ERC1: variants seen among roughly 807,000 people sequenced by gnomAD.
ERC1 encodes ELKS/RAB6-interacting/CAST family member 1.
In ERC1, 56 loss-of-function variants were observed where a neutral mutation model predicts 132.0. That is an observed-to-expected ratio of 0.42 (90% CI 0.34 to 0.53). The LOEUF (loss-of-function observed/expected upper bound fraction) is 0.53. ERC1 is among the 20% of genes least tolerant of loss of function. ERC1 has a pLI of 0.03. For synonymous variants in ERC1, 478 were observed against 476.1 expected, an observed-to-expected ratio of 1.00 and a Z score of -0.05; for missense variants, 1,202 against 1,349.9, an observed-to-expected ratio of 0.89 and a Z score of 1.72.
chr12:1,437,185 C>T lies in ERC1; in HGVS notation c.3025-7377C>T, dbSNP rs369886894. ...AGTAAGTGGCTTTCTGAGTGGCTTT[C>T]TTGACTTCTTGATTCTGGTTATCTC... On this transcript the variant is annotated intron_variant, in intron 17 of 18. Transcript: ENST00000360905. Among the ~76,000 whole-genome samples the T allele has an allele frequency of 2.6e-5, 4 of 152,164 alleles. No homozygotes were observed. The East Asian group carries it at 7.7e-4, about 29-fold the overall frequency.
At chr12:1,449,980 A>C (rs1337455824) in intron 18 of ERC1, among the ~76,000 whole-genome samples, 1 of 152,038 alleles carries the variant, frequency 6.6e-6, no homozygotes, top group Non-Finnish European at 1.5e-5. Context: ...ATCATAGTCA[A>C]ATTTTGAAAA....
intron 16 of ERC1, among the ~76,000 whole-genome samples, chr12:1,398,841 A>T (rs2090761174): frequency 1.3e-5 from 2 of 151,638 alleles, no homozygotes; most frequent in African/African-American, 4.9e-5. Context: ...TTGTCCTTGC[A>T]CACATCTATT....
chr12:1,404,552 T>G (rs538376659), intron 16 of ERC1, among the ~76,000 whole-genome samples: 57 of 152,352 alleles, frequency 3.7e-4, no homozygotes, highest in African/African-American at 1.3e-3. Flanking sequence ...CTGTCCTCTT[T>G]AGGAGTTCAG....
intron 7 of ERC1, among the ~76,000 whole-genome samples, chr12:1,134,505 C>T (rs971617396): frequency 1.3e-5 from 2 of 151,910 alleles, no homozygotes; most frequent in Non-Finnish European, 2.9e-5. Context: ...TGCCACCACA[C>T]TTGGCTAATT....
At chr12:1,316,025 A>C (rs2081680440) in intron 15 of ERC1, among the ~76,000 whole-genome samples, 1 of 151,954 alleles carries the variant, frequency 6.6e-6, no homozygotes, top group Admixed American at 6.6e-5. Context: ...AGCAGCTGGG[A>C]CTACAGGTGC....
At chr12:1,439,822 T>C (rs184976197) in intron 17 of ERC1, among the ~76,000 whole-genome samples, 2 of 152,290 alleles carry the variant, frequency 1.3e-5, no homozygotes, top group East Asian at 1.9e-4. Context: ...CTCTTCCCTC[T>C]TGAGATTAGG....
chr12:1,046,367 A>C (rs922476217), intron 2 of ERC1, among the ~76,000 whole-genome samples: 1 of 152,246 alleles, frequency 6.6e-6, no homozygotes, highest in Non-Finnish European at 1.5e-5. Context: ...CAGGAGTTGT[A>C]CATCCTATAA....
intron 17 of ERC1, among the ~76,000 whole-genome samples, chr12:1,415,633 G>A (rs899167934): frequency 2.0e-5 from 3 of 152,202 alleles, no homozygotes; most frequent in Non-Finnish European, 4.4e-5. Flanking sequence ...GAAGGGAGGT[G>A]TTAAATTATC....
intron 12 of ERC1, among the ~76,000 whole-genome samples, chr12:1,232,117 T>C (rs1267075947): frequency 6.6e-6 from 1 of 152,188 alleles, no homozygotes; most frequent in Non-Finnish European, 1.5e-5. Flanking sequence ...CATTCCCTCC[T>C]GATCTGCAAG....
At chr12:1,254,362 A>C (rs1024016080) in intron 13 of ERC1, among the ~76,000 whole-genome samples, 2 of 152,186 alleles carry the variant, frequency 1.3e-5, no homozygotes, top group Non-Finnish European at 2.9e-5. Context: ...TTATTCCCCT[A>C]GGCTGCCAAT....
At chr12:1,000,979 C>A (rs183804223) in intron 1 of ERC1, among the ~76,000 whole-genome samples, 1 of 152,140 alleles carries the variant, frequency 6.6e-6, no homozygotes, top group South Asian at 2.1e-4. Context: ...GATGCGATCT[C>A]GTCTCACGGC....
In ERC1 at chr12:1,495,874, TTTTC is replaced by T. The variant is rs2094352264; in HGVS notation, c.*5648_*5651del. The T allele has an allele frequency of 1.0e-5, 2 of 191,710 alleles. No individual in the cohort carries two copies. Among genetic ancestry groups the T allele is most frequent in the South Asian group, 1.9e-4 (1 of 5,202 alleles). The allele number at this position is 191,710 out of a possible 1,614,324, so 11.9% of individuals were successfully genotyped here. ...AATTATTGTAAACACTTTGTTCATT[TTTTC>T]TTTTTTATTCACAAACTAAATCCAC... is the stretch of plus-strand genomic sequence containing the variant. On this transcript the variant is annotated 3_prime_UTR_variant, in exon 19 of 19. Transcript: ENST00000360905.
chr12:1,432,293 A>G (rs997194959), intron 17 of ERC1, among the ~76,000 whole-genome samples: 3 of 152,184 alleles, frequency 2.0e-5, no homozygotes, highest in African/African-American at 7.2e-5. Context: ...CTGAAATCTC[A>G]TGTTCATATA....
intron 16 of ERC1, among the ~76,000 whole-genome samples, chr12:1,376,880 C>T (rs148030101): frequency 6.8e-4 from 103 of 152,294 alleles, no homozygotes; most frequent in Non-Finnish European, 1.2e-3. Context: ...GATTTGTTTC[C>T]CTTTTCACTG....
chr12:1,254,831 T>C, intron 13 of ERC1, among the ~76,000 whole-genome samples: 1 of 152,196 alleles, frequency 6.6e-6, no homozygotes, highest in East Asian at 1.9e-4. Context: ...TACGTATGTA[T>C]GGTGATGTTT....
At chr12:1,456,232 T>C (rs2093530796) in intron 18 of ERC1, among the ~76,000 whole-genome samples, 1 of 152,262 alleles carries the variant, frequency 6.6e-6, no homozygotes, top group Admixed American at 6.5e-5. Context: ...AGAAATTTTA[T>C]GTATCGTGAT....
chr12:1,055,958 C>T (rs1972866968), intron 2 of ERC1, among the ~76,000 whole-genome samples: 1 of 150,068 alleles, frequency 6.7e-6, no homozygotes, highest in South Asian at 2.1e-4. Flanking sequence ...CCAGCCTGGG[C>T]AACATAATGA....
chr12:1,400,916 A>ATTATTATTATTTTTTTTTTTTTTTTTTTT (rs2090981093), intron 16 of ERC1, among the ~76,000 whole-genome samples: 1 of 15,040 alleles, frequency 6.6e-5, no homozygotes, highest in African/African-American at 3.1e-4. Context: ...CTATTTTTGT[A>ATTATTATTATTTTTTTTTTTTTTTTTTTT]TTTTTTTTTT....
chr12:1,081,823 T>C (rs1322976472), intron 2 of ERC1, among the ~76,000 whole-genome samples: 1 of 152,046 alleles, frequency 6.6e-6, no homozygotes, highest in Non-Finnish European at 1.5e-5. Flanking sequence ...CACTTAAAAG[T>C]TGTTAGGAAA....
Sources: allele counts gnomAD v4.1 joint callset (sites outside exome capture counted in the v4.1 genomes callset), GRCh38; gene constraint gnomAD v4.1.1; transcripts MANE v1.5; gene names NCBI Gene and HGNC (gene_info 2026-07-23, HGNC 2026-07-21).